The following SLC38A8 variants were observed in gnomAD, a reference collection of about 807,000 sequenced individuals.
SLC38A8 encodes amino acid transporter SLC38A8.
Under a neutral mutation model 46.0 loss-of-function variants are expected in SLC38A8, and 65 were observed. The observed-to-expected ratio is 1.41, with a 90% confidence interval of 1.16 to 1.74. SLC38A8 has a LOEUF of 1.74. Among genes scored for constraint, SLC38A8 ranks in the 40% most tolerant of loss-of-function variants. SLC38A8 has a pLI of 0.00. For synonymous variants in SLC38A8, 447 were observed against 243.7 expected, an observed-to-expected ratio of 1.83 and a Z score of -7.77; for missense variants, 998 against 567.9, an observed-to-expected ratio of 1.76 and a Z score of -7.70.
At chr16:84,013,095 C>T in intron 9 of SLC38A8, 43 bp from the exon 10 acceptor site, 2 of 1,612,350 alleles carry the variant, frequency 1.2e-6, no homozygotes, top group African/African-American at 2.7e-5. Flanking sequence ...CGTTATCAAA[C>T]CCAAAGCAAC....
chr16:84,028,580 A>G (rs572426361), intron 6 of SLC38A8, among the ~76,000 whole-genome samples: 16 of 151,338 alleles, frequency 1.1e-4, no homozygotes, highest in African/African-American at 3.6e-4. Flanking sequence ...GAAAAAAAAA[A>G]AAAGAAAGAA....
intron 6 of SLC38A8, among the ~76,000 whole-genome samples, chr16:84,026,135 A>G (rs1450120611): frequency 6.6e-6 from 1 of 152,230 alleles, no homozygotes; most frequent in Non-Finnish European, 1.5e-5. Context: ...AGTCCAATAT[A>G]AGGGAAAAGA....
intron 6 of SLC38A8, among the ~76,000 whole-genome samples, chr16:84,025,738 C>G (rs1362837881): frequency 6.6e-6 from 1 of 152,234 alleles, no homozygotes; most frequent in East Asian, 1.9e-4. Context: ...GCTGTCCTCT[C>G]ACCCCCAGGA....
chr16:84,024,743 G>A lies in SLC38A8; in HGVS notation c.691-1854C>T, dbSNP rs564987547. Among the ~76,000 whole-genome samples the A allele has an allele frequency of 6.6e-5, 10 of 152,248 alleles. 1 individual carries two copies. Among genetic ancestry groups the A allele is most frequent in the African/African-American group, 2.4e-4 (10 of 41,582 alleles). On this transcript the variant is annotated intron_variant, in intron 6 of 10. Coordinates refer to ENST00000299709, the MANE Select transcript of SLC38A8 (RefSeq NM_001080442.3). ...CTCGCTCTGTCACCCAGAATGGACTGAAGTGGCGCGAACTTGGCTCGCCGC... is the reference window on the plus strand; with the variant it reads ...CTCGCTCTGTCACCCAGAATGGACTAAAGTGGCGCGAACTTGGCTCGCCGC...
At chr16:84,030,639 C>A (rs182948334) in intron 5 of SLC38A8, among the ~76,000 whole-genome samples, 3 of 152,290 alleles carry the variant, frequency 2.0e-5, no homozygotes, top group Admixed American at 1.3e-4. Context: ...TCCATCCTTC[C>A]CACTGTTCAA....
intron 7 of SLC38A8, among the ~76,000 whole-genome samples, chr16:84,021,335 G>A (rs376875120): frequency 1.2e-4 from 19 of 152,302 alleles, no homozygotes; most frequent in Admixed American, 4.6e-4. Context: ...AAAGTGCTGC[G>A]ATGACAGGAG....
intron 3 of SLC38A8, among the ~76,000 whole-genome samples, chr16:84,034,559 C>A (rs560044759): frequency 1.3e-5 from 2 of 152,266 alleles, no homozygotes; most frequent in Admixed American, 6.5e-5. Context: ...GAGATGTCTT[C>A]GCTCCTTCGG....
intron 6 of SLC38A8, among the ~76,000 whole-genome samples, chr16:84,026,379 G>A (rs1407467403): frequency 2.6e-5 from 4 of 152,120 alleles, no homozygotes; most frequent in East Asian, 3.9e-4. Context: ...GGCCCGCACC[G>A]CCATGCCCGG....
At chr16:84,013,397 A>G (rs923311041) in intron 9 of SLC38A8, among the ~76,000 whole-genome samples, 4 of 143,396 alleles carry the variant, frequency 2.8e-5, no homozygotes, top group African/African-American at 5.3e-5. Context: ...ACTGGCAGCT[A>G]CCATTACTTT....
rs573378216 is a variant in SLC38A8 at position 84,041,239 on chromosome 16, G to C, written c.189+730C>G. The C allele has an allele frequency of 1.0e-3, 160 of 152,466 alleles. 1 individual carries two copies. Among genetic ancestry groups the C allele is most frequent in the African/African-American group, 3.6e-3 (151 of 41,602 alleles). 9.4% of individuals were successfully genotyped at this position (152,466 alleles called of 1,614,324 possible). On this transcript the variant is annotated intron_variant, in intron 2 of 10. Transcript: ENST00000299709. The stretch of plus-strand genomic sequence containing the variant: ...CAGGAGAGCGGAACATCCGACACCA[G>C]GCAAGGCCGGCCCGGCTCTGTGTGG...
At chr16:84,039,232 G>A (rs2085339206) in intron 2 of SLC38A8, among the ~76,000 whole-genome samples, 1 of 152,180 alleles carries the variant, frequency 6.6e-6, no homozygotes, top group African/African-American at 2.4e-5. Flanking sequence ...CCAGAACTGT[G>A]AGAGAATACA....
chr16:84,025,632 A>G (rs1227648057), intron 6 of SLC38A8, among the ~76,000 whole-genome samples: 1 of 152,156 alleles, frequency 6.6e-6, no homozygotes, highest in Non-Finnish European at 1.5e-5. Flanking sequence ...GAACCCACCC[A>G]GCAGCCACCA....
chr16:84,022,855 A>C lies in SLC38A8; in HGVS notation c.725T>G (p.Met242Arg). 1 of 1,610,796 alleles carries C rather than the reference A, an allele frequency of 6.2e-7. No homozygotes were observed. Among genetic ancestry groups the C allele is most frequent in the Non-Finnish European group, 8.5e-7 (1 of 1,178,742 alleles). ...CCAGTGGGAGAGGCTCCGTTTGCGC[A>C]TGCTGCAGTAGATGGAGACGGCAGC... ...HEAAVSIYCS[M>R]RKRSLSHWAL... Residue 242 changes from methionine to arginine, a missense_variant, in exon 7 of 11, where the codon ATG becomes AGG. Coordinates refer to ENST00000299709, the MANE Select transcript of SLC38A8 (RefSeq NM_001080442.3).
intron 6 of SLC38A8, among the ~76,000 whole-genome samples, chr16:84,026,531 C>G (rs970868771): frequency 6.6e-6 from 1 of 152,148 alleles, no homozygotes; most frequent in Non-Finnish European, 1.5e-5. Flanking sequence ...CCAGCCTCTA[C>G]TGGTTTTATA....
intron 7 of SLC38A8, 118 bp downstream of exon 7, chr16:84,022,657 T>C: frequency 1.3e-6 from 1 of 758,572 alleles, no homozygotes; most frequent in Non-Finnish European, 2.1e-6. Flanking sequence ...AATAAGATGC[T>C]CAAAACATTG....
chr16:84,019,416 A>G (rs987528154), intron 7 of SLC38A8, among the ~76,000 whole-genome samples: 4 of 152,294 alleles, frequency 2.6e-5, no homozygotes, highest in Admixed American at 2.6e-4. Context: ...CCAATTTGGC[A>G]TACTGGCAGA....
intron 10 of SLC38A8, 70 bp downstream of exon 10, chr16:84,012,931 G>A (rs1253635556): frequency 1.1e-5 from 17 of 1,523,522 alleles, no homozygotes; most frequent in Middle Eastern, 3.4e-4. Context: ...GGATCTGCAG[G>A]GTCCCCTGAA....
intron 6 of SLC38A8, among the ~76,000 whole-genome samples, 167 bp from the exon 7 acceptor site, chr16:84,023,056 CT>C (rs2085114496): frequency 6.6e-6 from 1 of 152,006 alleles, no homozygotes; most frequent in South Asian, 2.1e-4. Context: ...CCCAACCCCT[CT>C]TTCCTTTTCT....
intron 9 of SLC38A8, among the ~76,000 whole-genome samples, chr16:84,013,947 C>A (rs2084990834): frequency 6.6e-6 from 1 of 152,180 alleles, no homozygotes; most frequent in South Asian, 2.1e-4. Flanking sequence ...GTGGCCACAG[C>A]CTCACCTCTG....
Sources: gnomAD v4.1 joint callset for allele counts (sites outside exome capture counted in the v4.1 genomes callset) on GRCh38, gnomAD v4.1.1 for gene constraint, MANE v1.5 for transcripts, NCBI Gene and HGNC (gene_info 2026-07-23, HGNC 2026-07-21) for gene names.